Variants in DMXL1 observed in about 807,000 individuals in gnomAD.
DMXL1 encodes dmX-like protein 1.
In DMXL1, 99 loss-of-function variants were observed where a neutral mutation model predicts 319.2. The observed-to-expected ratio is 0.31, with a 90% CI of 0.26 to 0.37. The LOEUF (loss-of-function observed/expected upper bound fraction) is 0.37. DMXL1 is among the 10% of genes least tolerant of loss of function. DMXL1 has a pLI of 1.00. For missense variants in DMXL1, 3,745 were observed against 3,595.6 expected (o/e 1.04, Z -1.06); for synonymous variants, 1,385 against 1,235.2 (o/e 1.12, Z -2.54).
intron 9 of DMXL1, chr5:119,127,349 CTT>C (rs371183556): frequency 5.8e-4 from 78 of 135,044 alleles, no homozygotes; most frequent in South Asian, 9.4e-4. Flanking sequence ...GTCCTTTATC[CTT>C]TTTTTTTTTT....
At position 119,071,326 on chromosome 5, in the gene DMXL1, C is replaced by T. The variant is rs1749482892; in HGVS notation, c.-244C>T. 1.4e-5 allele frequency: 7 copies of T among 512,192 alleles called. No individual in the cohort carries two copies. Among genetic ancestry groups the T allele is most frequent in the South Asian group, 1.3e-4 (6 of 45,576 alleles). 31.7% of individuals were successfully genotyped at this position (512,192 alleles called of 1,614,324 possible). Reference sequence around the variant, plus strand: ...TCACCTGGGCTAGCGCGGGGAGTGACAGGTGCGCGAAGGAGCGCGGCGCTC... The same window carrying T: ...TCACCTGGGCTAGCGCGGGGAGTGATAGGTGCGCGAAGGAGCGCGGCGCTC... On this transcript the variant is annotated 5_prime_UTR_variant, in exon 1 of 44. Transcript: ENST00000539542.
At position 119,171,141 on chromosome 5, in the gene DMXL1, A is replaced by T; in HGVS notation, c.6350A>T (p.Gln2117Leu). Reference sequence around the variant, plus strand: ...GTGAAACAACTGAGAGAAAATTTTCAGGAAAAAAGACAGTGGCTCTTGAAG... The same window carrying T: ...GTGAAACAACTGAGAGAAAATTTTCTGGAAAAAAGACAGTGGCTCTTGAAG... The part of the protein sequence containing the change: ...TKVKQLRENF[Q>L]EKRQWLLKYQ... Residue 2117 changes from glutamine (Q) to leucine (L), a missense_variant, in exon 24 of 44, where the codon CAG becomes CTG. By Grantham distance (113) the Gln-to-Leu change is moderately radical. Coordinates refer to ENST00000539542, the MANE Select transcript of DMXL1 (RefSeq NM_001290321.3). 1 of 1,613,992 alleles carries T rather than the reference A, an allele frequency of 6.2e-7. No individual in the cohort carries two copies. Among genetic ancestry groups the T allele is most frequent in the Non-Finnish European group, 8.5e-7 (1 of 1,179,896 alleles).
At chr5:119,132,272 C>A (rs920519280) in intron 10 of DMXL1, among the ~76,000 whole-genome samples, 2 of 152,154 alleles carry the variant, frequency 1.3e-5, no homozygotes, top group African/African-American at 2.4e-5. Flanking sequence ...GCGAAAGAGG[C>A]CCCTTTCTTG....
chr5:119,143,724 A>C (rs1284131240), intron 13 of DMXL1, 117 bp from the exon 14 acceptor site: 11 of 580,158 alleles, frequency 1.9e-5, no homozygotes, highest in Admixed American at 1.0e-4. Flanking sequence ...GAAAGGGACT[A>C]TATTTAGGCC....
intron 4 of DMXL1, among the ~76,000 whole-genome samples, chr5:119,106,286 C>T (rs1352743631): frequency 6.6e-6 from 1 of 152,154 alleles, no homozygotes; most frequent in Non-Finnish European, 1.5e-5. Context: ...AATGTTATTG[C>T]TGCCACATTA....
In DMXL1 at chr5:119,164,497, A is replaced by G. The variant is rs769612261; in HGVS notation, c.4703-10A>G. On this transcript the variant is annotated splice_polypyrimidine_tract_variant and intron_variant, in intron 19 of 43. Coordinates refer to ENST00000539542, the MANE Select transcript of DMXL1 (RefSeq NM_001290321.3). ...AATTCTTATAAACATCATTTTTTAC[A>G]TTTCTTCAGGCCTGTCTACAAGTCA... The G allele has an allele frequency of 3.9e-5, 63 of 1,604,778 alleles. No homozygotes were observed. Among genetic ancestry groups the G allele is most frequent in the Non-Finnish European group, 4.9e-5 (58 of 1,174,178 alleles).
intron 30 of DMXL1, among the ~76,000 whole-genome samples, chr5:119,195,358 C>T (rs749846454): frequency 3.3e-5 from 5 of 152,266 alleles, no homozygotes; most frequent in African/African-American, 9.6e-5. Context: ...TGTGTTTTAA[C>T]AGATGAATTA....
intron 24 of DMXL1, 138 bp downstream of exon 24, chr5:119,171,418 C>A: frequency 1.2e-6 from 1 of 839,522 alleles, no homozygotes; most frequent in Non-Finnish European, 1.8e-6. Flanking sequence ...TGTGGTCCTT[C>A]ATATTATGAA....
At position 119,208,438 on chromosome 5, in the gene DMXL1, T is replaced by A. The variant is rs191890125; in HGVS notation, c.7926+1542T>A. ...CATGTTGGTCCGGCTGGTCTTGAAC[T>A]CCCAACGTCAGGTGATCTGCCTGCC... is the stretch of plus-strand genomic sequence containing the variant. On this transcript the variant is annotated intron_variant, in intron 34 of 43. Coordinates refer to ENST00000539542, the MANE Select transcript of DMXL1 (RefSeq NM_001290321.3). 5.1e-4 allele frequency among the ~76,000 whole-genome samples: 77 copies of A among 152,262 alleles called. 1 individual carries two copies. The highest frequency in any genetic ancestry group is 1.8e-3 in the African/African-American group (73 of 41,550).
chr5:119,194,326 A>C (rs1779217512), intron 30 of DMXL1, among the ~76,000 whole-genome samples: 1 of 152,168 alleles, frequency 6.6e-6, no homozygotes, highest in African/African-American at 2.4e-5. Flanking sequence ...AACAAGTTCT[A>C]CTGTTTTTGT....
At chr5:119,074,919 T>G (rs1047161110) in intron 1 of DMXL1, among the ~76,000 whole-genome samples, 4 of 152,232 alleles carry the variant, frequency 2.6e-5, no homozygotes, top group Non-Finnish European at 5.9e-5. Flanking sequence ...CAAGTTATAC[T>G]CTTGGAATTT....
In DMXL1 at chr5:119,167,771, G is replaced by T; in HGVS notation, c.5305G>T (p.Asp1769Tyr). The change falls in exon 23 of 44, where the codon GAT becomes TAT. Residue 1769 changes from aspartate (D) to tyrosine (Y), a missense_variant. By Grantham distance (160) the Asp-to-Tyr change is radical. Coordinates refer to ENST00000539542, the MANE Select transcript of DMXL1 (RefSeq NM_001290321.3). ...TTCATTGAACATAAATATGCATCATGATCCTTTTCTTCGGAGCATGGCATA... is the reference window on the plus strand; with the variant it reads ...TTCATTGAACATAAATATGCATCATTATCCTTTTCTTCGGAGCATGGCATA... ...LCSLNINMHH[D>Y]PFLRSMAYWI... The T allele has an allele frequency of 6.2e-7, 1 of 1,613,586 alleles. No homozygotes were observed. Among genetic ancestry groups the T allele is most frequent in the Non-Finnish European group, 8.5e-7 (1 of 1,179,708 alleles).
chr5:119,116,392 T>C (rs1760852165), intron 7 of DMXL1, 56 bp downstream of exon 7: 4 of 1,548,472 alleles, frequency 2.6e-6, no homozygotes, highest in Non-Finnish European at 3.5e-6. Flanking sequence ...CTTTGTTACT[T>C]TGATTGCTTC....
At chr5:119,227,104 A>T (rs989874732) in intron 38 of DMXL1, among the ~76,000 whole-genome samples, 1 of 152,178 alleles carries the variant, frequency 6.6e-6, no homozygotes, top group African/African-American at 2.4e-5. Context: ...CCCATCTAAG[A>T]CACTGCATTA....
In DMXL1 at chr5:119,121,150, A is replaced by G. The variant is rs1761954101; in HGVS notation, c.1102+11A>G. On this transcript the variant is annotated intron_variant, in intron 9 of 43. Coordinates refer to ENST00000539542, the MANE Select transcript of DMXL1 (RefSeq NM_001290321.3). ...TCAACCCAGCCACAGGTAATGAAAC[A>G]TTGTTCAAAACATGTTTCTGAAATT... is the stretch of plus-strand genomic sequence containing the variant. The G allele has an allele frequency of 1.3e-6, 2 of 1,580,322 alleles. No homozygotes were observed. Among genetic ancestry groups the G allele is most frequent in the Non-Finnish European group, 1.7e-6 (2 of 1,166,332 alleles).
intron 28 of DMXL1, among the ~76,000 whole-genome samples, chr5:119,179,746 C>T (rs1269514271): frequency 1.3e-5 from 2 of 152,162 alleles, no homozygotes; most frequent in Non-Finnish European, 2.9e-5. Flanking sequence ...CTTCTACTTC[C>T]TCTCCTTAAT....
chr5:119,118,513 T>A (rs964662136), intron 7 of DMXL1, among the ~76,000 whole-genome samples: 2 of 152,076 alleles, frequency 1.3e-5, no homozygotes, highest in Non-Finnish European at 2.9e-5. Flanking sequence ...GCGGGAGGAT[T>A]ACTTGAGCCA....
intron 9 of DMXL1, chr5:119,128,047 C>G (rs1446178358): frequency 2.3e-6 from 1 of 437,766 alleles, no homozygotes; most frequent in East Asian, 5.9e-5. Context: ...AGGTGGTCCT[C>G]AATTTACTAT....
intron 28 of DMXL1, among the ~76,000 whole-genome samples, chr5:119,189,364 A>C (rs943360378): frequency 2.0e-5 from 3 of 152,134 alleles, no homozygotes; most frequent in African/African-American, 7.2e-5. Context: ...GATAATCTTT[A>C]AAAAAAAGCA....
Sources: allele counts gnomAD v4.1 joint callset (sites outside exome capture counted in the v4.1 genomes callset), GRCh38; gene constraint gnomAD v4.1.1; transcripts MANE v1.5; gene names NCBI Gene and HGNC (gene_info 2026-07-23, HGNC 2026-07-21).